RANBP9: variants seen among roughly 807,000 people sequenced by gnomAD.
RANBP9 encodes the protein ran-binding protein 9.
In RANBP9, 15 loss-of-function variants were observed where a neutral mutation model predicts 84.3. The observed-to-expected ratio is 0.18, with a 90% CI of 0.12 to 0.27. The LOEUF is 0.27. Ranked by LOEUF, RANBP9 falls within the 10% of genes least tolerant of loss-of-function variation. The pLI is 1.00. For synonymous variants in RANBP9, 392 were observed against 349.6 expected (o/e 1.12, Z -1.35); for missense variants, 809 against 912.8 (o/e 0.89, Z 1.46).
At chr6:13,688,273 A>G (rs1766238505) in intron 2 of RANBP9, among the ~76,000 whole-genome samples, 1 of 152,224 alleles carries the variant, frequency 6.6e-6, no homozygotes, top group South Asian at 2.1e-4. Flanking sequence ...AACAGCTACT[A>G]ATCTTTAACA....
chr6:13,684,127 C>T (rs1766111008), intron 2 of RANBP9, among the ~76,000 whole-genome samples: 1 of 152,160 alleles, frequency 6.6e-6, no homozygotes, highest in Non-Finnish European at 1.5e-5. Flanking sequence ...TCCCTACCCA[C>T]CTCTACTTAG....
chr6:13,659,533 A>G (rs938957510), intron 2 of RANBP9, among the ~76,000 whole-genome samples: 4 of 152,210 alleles, frequency 2.6e-5, no homozygotes, highest in African/African-American at 9.7e-5. Flanking sequence ...CTTATAAAAC[A>G]TTAACAACAA....
At chr6:13,681,388 AT>A (rs1171103943) in intron 2 of RANBP9, among the ~76,000 whole-genome samples, 1 of 152,092 alleles carries the variant, frequency 6.6e-6, no homozygotes, top group East Asian at 1.9e-4. Flanking sequence ...AAAAAAATGT[AT>A]TTTACTGCAC....
At chr6:13,663,437 T>C (rs940407119) in intron 2 of RANBP9, among the ~76,000 whole-genome samples, 1 of 152,158 alleles carries the variant, frequency 6.6e-6, no homozygotes, top group Admixed American at 6.5e-5. Context: ...TTAATTTTCC[T>C]AAAACACGAC....
intron 12 of RANBP9, among the ~76,000 whole-genome samples, chr6:13,630,848 T>C (rs1333017994): frequency 6.6e-6 from 1 of 152,122 alleles, no homozygotes; most frequent in Non-Finnish European, 1.5e-5. Flanking sequence ...TTTCTATTTT[T>C]TTTTTTTTAA....
chr6:13,695,428 GAA>G (rs1188666824), intron 2 of RANBP9, among the ~76,000 whole-genome samples: 4 of 64,378 alleles, frequency 6.2e-5, no homozygotes, highest in African/African-American at 2.5e-4. Context: ...TTTTTTTTCA[GAA>G]AAAGATTTTA....
intron 10 of RANBP9, among the ~76,000 whole-genome samples, chr6:13,634,921 C>G (rs892659327): frequency 1.3e-5 from 2 of 152,176 alleles, no homozygotes; most frequent in Admixed American, 1.3e-4. Context: ...GCCCTCTCCC[C>G]CTACCCCCAG....
chr6:13,648,784 C>T (rs1366829842), intron 5 of RANBP9, among the ~76,000 whole-genome samples: 3 of 152,134 alleles, frequency 2.0e-5, no homozygotes, highest in Non-Finnish European at 4.4e-5. Flanking sequence ...AATTCGAAAA[C>T]AGCATCATTT....
At chr6:13,679,708 A>C (rs1036679371) in intron 2 of RANBP9, among the ~76,000 whole-genome samples, 3 of 152,194 alleles carry the variant, frequency 2.0e-5, no homozygotes, top group Non-Finnish European at 2.9e-5. Context: ...AATCACACAA[A>C]TAAGTTCAGA....
At chr6:13,659,296 G>A (rs955187531) in intron 2 of RANBP9, among the ~76,000 whole-genome samples, 18 of 121,132 alleles carry the variant, frequency 1.5e-4, no homozygotes, top group Admixed American at 7.3e-4. Flanking sequence ...ACACACACAC[G>A]GAAATATGGA....
At chr6:13,676,556 A>G (rs1461911466) in intron 2 of RANBP9, among the ~76,000 whole-genome samples, 2 of 152,152 alleles carry the variant, frequency 1.3e-5, no homozygotes, top group Admixed American at 6.5e-5. Flanking sequence ...TATCCTCAAT[A>G]AAGTATTAGC....
Position 13,622,394 on chromosome 6 carries a change from C to T in RANBP9, c.2158G>A (p.Ala720Thr), listed in dbSNP as rs756238730. ...LMARSGIGSC[A>T]FATVEDYLH ...AGGTAGTCTTCCACTGTGGCAAATG[C>T]GCAGGATCCAATTCCTGATCGAGCC... Residue 720 changes from alanine to threonine, a missense_variant, in exon 14 of 14, where the codon GCA (alanine) becomes ACA (threonine). Transcript: ENST00000011619. The T allele has an allele frequency of 3.1e-6, 5 of 1,598,178 alleles. No homozygotes were observed. Among genetic ancestry groups the T allele is most frequent in the South Asian group, 2.3e-5 (2 of 88,810 alleles).
intron 10 of RANBP9, 75 bp from the exon 11 acceptor site, chr6:13,634,627 C>A: frequency 7.8e-7 from 1 of 1,287,798 alleles, no homozygotes; most frequent in South Asian, 1.6e-5. Flanking sequence ...CACTACTGAA[C>A]TACATAGCCT....
At chr6:13,696,960 A>C (rs1757844148) in intron 1 of RANBP9, 64 bp from the exon 2 acceptor site, 1 of 1,349,310 alleles carries the variant, frequency 7.4e-7, no homozygotes, top group African/African-American at 1.5e-5. Flanking sequence ...TGAAAACCTT[A>C]AACAATTCAG....
At chr6:13,706,078 T>A (rs1347182528) in intron 1 of RANBP9, among the ~76,000 whole-genome samples, 1 of 152,064 alleles carries the variant, frequency 6.6e-6, no homozygotes, top group Non-Finnish European at 1.5e-5. Flanking sequence ...GTTCAACCTA[T>A]CACTCCTGTA....
rs1344484269 is a variant in RANBP9 at position 13,705,323 on chromosome 6, G to C, written c.571+5612C>G. Among the ~76,000 whole-genome samples, 6 of 127,156 alleles carry C rather than the reference G, an allele frequency of 4.7e-5. No individual in the cohort carries two copies. The Admixed American group carries it at 6.2e-4, about 13-fold the overall frequency. 83.4% of individuals were successfully genotyped at this position (127,156 alleles called of 152,430 possible). ...GGAGGCTGAGGCTGGAAAGTCACTT[G>C]AATCCAGGAGATGGAGGTTGCAGTG... On this transcript the variant is annotated intron_variant, in intron 1 of 13. Transcript: ENST00000011619.
At chr6:13,668,678 T>TA (rs568851638) in intron 2 of RANBP9, among the ~76,000 whole-genome samples, 48 of 151,892 alleles carry the variant, frequency 3.2e-4, no homozygotes, top group East Asian at 2.5e-3. Flanking sequence ...TTTCACGATT[T>TA]AAAAAAAATC....
At chr6:13,640,033 T>A (rs1032852313) in intron 8 of RANBP9, among the ~76,000 whole-genome samples, 26 of 152,074 alleles carry the variant, frequency 1.7e-4, no homozygotes, top group African/African-American at 6.0e-4. Flanking sequence ...ATGAACCCCA[T>A]TTTTTTGGCT....
chr6:13,682,599 C>T (rs181199749), intron 2 of RANBP9, among the ~76,000 whole-genome samples: 171 of 152,016 alleles, frequency 1.1e-3, no homozygotes, highest in Non-Finnish European at 1.7e-3. Flanking sequence ...ATTACAGGCG[C>T]CCACCACCAG....
Sources: allele counts gnomAD v4.1 joint callset (sites outside exome capture counted in the v4.1 genomes callset), GRCh38; gene constraint gnomAD v4.1.1; transcripts MANE v1.5; gene names NCBI Gene and HGNC (gene_info 2026-07-23, HGNC 2026-07-21).